Variants in UTRN observed in about 807,000 individuals in gnomAD.
The protein encoded by UTRN is utrophin.
Under a neutral mutation model 463.9 loss-of-function variants are expected in UTRN, and 283 were observed. That is an observed-to-expected ratio of 0.61 (90% CI 0.55 to 0.67). The LOEUF (loss-of-function observed/expected upper bound fraction) is 0.67, where lower values mean the gene tolerates loss of function less well. Among genes scored for constraint, UTRN ranks in the 30% least tolerant of loss-of-function variants. The probability of loss-of-function intolerance (pLI) is 0.00; values close to 1 mark genes in which losing one functional copy is unlikely to be tolerated. For missense variants in UTRN, 3,922 were observed against 4,084.3 expected (o/e 0.96, Z 1.08); for synonymous variants, 1,442 against 1,431.5 (o/e 1.01, Z -0.17).
Position 144,448,624 on chromosome 6 carries a change from G to C in UTRN, c.1927G>C (p.Gly643Arg). Residue 643 changes from glycine (G) to arginine (R), a missense_variant, in exon 17 of 75, where the codon GGG becomes CGG. Physicochemically the swap from Gly to Arg is moderately radical, Grantham distance 125. Transcript: ENST00000367545. ...GGTGACTCAGGCTGTAGCAAAGCTG[G>C]GGATGTCTCAGATTCCTCAGAAGGA... ...NQVTQAVAKL[G>R]MSQIPQKDLL... 1 of 1,613,830 alleles carries C rather than the reference G, an allele frequency of 6.2e-7. No homozygotes were observed. Among genetic ancestry groups the C allele is most frequent in the Non-Finnish European group, 8.5e-7 (1 of 1,179,844 alleles).
chr6:144,431,499 T>C (rs955192507), intron 9 of UTRN, among the ~76,000 whole-genome samples: 3 of 152,268 alleles, frequency 2.0e-5, no homozygotes, highest in Non-Finnish European at 2.9e-5. Flanking sequence ...GTCAGACTTC[T>C]TCTGCCCTGT....
At chr6:144,674,783 T>C (rs1781426656) in intron 51 of UTRN, among the ~76,000 whole-genome samples, 1 of 152,184 alleles carries the variant, frequency 6.6e-6, no homozygotes, top group Non-Finnish European at 1.5e-5. Flanking sequence ...GGTCTCAAAC[T>C]CCTGAGTTCA....
At chr6:144,585,065 G>A (rs1166662683) in intron 51 of UTRN, among the ~76,000 whole-genome samples, 1 of 151,958 alleles carries the variant, frequency 6.6e-6, no homozygotes, top group Non-Finnish European at 1.5e-5. Context: ...TTTTTCTAAA[G>A]TCGAAGGTAT....
At chr6:144,508,879 A>G (rs1441338352) in intron 34 of UTRN, among the ~76,000 whole-genome samples, 1 of 152,154 alleles carries the variant, frequency 6.6e-6, no homozygotes, top group Non-Finnish European at 1.5e-5. Context: ...AAGTTCATAT[A>G]TTCTTATTTT....
At chr6:144,539,182 A>C (rs1797791454) in intron 44 of UTRN, 112 bp from the exon 45 acceptor site, 1 of 1,230,478 alleles carries the variant, frequency 8.1e-7, no homozygotes, top group South Asian at 1.7e-5. Context: ...TTTTTCACTT[A>C]ACAAATTAGA....
intron 67 of UTRN, 93 bp from the exon 68 acceptor site, chr6:144,827,518 G>A: frequency 6.3e-7 from 1 of 1,592,364 alleles, no homozygotes; most frequent in Non-Finnish European, 8.6e-7. Flanking sequence ...TGTTTGCATG[G>A]CAGATTCATT....
chr6:144,525,002 T>A (rs1275643739), intron 41 of UTRN, among the ~76,000 whole-genome samples: 1 of 152,306 alleles, frequency 6.6e-6, no homozygotes, highest in Middle Eastern at 3.4e-3. Flanking sequence ...ATTTATTGAC[T>A]TGTGTATGTT....
At chr6:144,631,235 GAGGTGTGT>G (rs1190849842) in intron 51 of UTRN, among the ~76,000 whole-genome samples, 1 of 108,624 alleles carries the variant, frequency 9.2e-6, no homozygotes, top group East Asian at 3.9e-4. Context: ...GTGAGAGAGA[GAGGTGTGT>G]GTGTGTGTGT....
chr6:144,812,845 TTAG>T (rs1185650464), intron 65 of UTRN, among the ~76,000 whole-genome samples: 2 of 151,768 alleles, frequency 1.3e-5, no homozygotes, highest in African/African-American at 4.9e-5. Flanking sequence ...TTCATTTATA[TTAG>T]TTGGTGGGGA....
rs900383454 is a variant in UTRN at position 144,456,685 on chromosome 6, A to G, written c.2285-2085A>G. 8.8e-5 allele frequency among the ~76,000 whole-genome samples: 13 copies of G among 148,404 alleles called. No individual in the cohort carries two copies. In the South Asian group the frequency reaches 2.5e-3, roughly 29 times the overall value. On this transcript the variant is annotated intron_variant, in intron 19 of 74. Coordinates refer to ENST00000367545, the MANE Select transcript of UTRN (RefSeq NM_007124.3). Reference sequence around the variant, plus strand: ...AATAATAATAATAATAATAATAATAATAATAATAATAAATAAAATAGTGTG... The same window carrying G: ...AATAATAATAATAATAATAATAATAGTAATAATAATAAATAAAATAGTGTG...
intron 47 of UTRN, among the ~76,000 whole-genome samples, chr6:144,549,530 A>G (rs368525473): frequency 2.0e-5 from 3 of 152,348 alleles, no homozygotes; most frequent in South Asian, 4.1e-4. Context: ...TCCCCACATT[A>G]CAAATAAGTC....
At chr6:144,533,718 G>A (rs188331654) in intron 43 of UTRN, among the ~76,000 whole-genome samples, 319 of 148,632 alleles carry the variant, frequency 2.1e-3, no homozygotes, top group African/African-American at 7.6e-3. Flanking sequence ...CTTCATCTAT[G>A]TAATATAATA....
chr6:144,852,778 A>G lies in UTRN; in HGVS notation c.*1781A>G, dbSNP rs1444723548. ...TGGTGTCTTCCTTGTTCTTACTTTA[A>G]AAAGTCATGTGTTAATTTTTTTTCT... On this transcript the variant is annotated 3_prime_UTR_variant, in exon 75 of 75. Coordinates refer to ENST00000367545, the MANE Select transcript of UTRN (RefSeq NM_007124.3). The G allele has an allele frequency of 6.6e-6, 1 of 152,600 alleles. No individual in the cohort carries two copies. The highest frequency in any genetic ancestry group is 2.4e-5 in the African/African-American group (1 of 41,454). The allele number at this position is 152,600 out of a possible 1,614,324, so 9.5% of individuals were successfully genotyped here.
intron 27 of UTRN, among the ~76,000 whole-genome samples, chr6:144,484,109 T>C (rs1792172956): frequency 6.6e-6 from 1 of 152,164 alleles, no homozygotes; most frequent in African/African-American, 2.4e-5. Flanking sequence ...GTTCCTCTTA[T>C]AATAAGGGAT....
At chr6:144,602,278 C>T (rs1419674382) in intron 51 of UTRN, among the ~76,000 whole-genome samples, 2 of 151,800 alleles carry the variant, frequency 1.3e-5, no homozygotes, top group Non-Finnish European at 2.9e-5. Context: ...ACTTCAGGCA[C>T]GCACCACCAG....
intron 2 of UTRN, among the ~76,000 whole-genome samples, chr6:144,394,034 G>A (rs1465688026): frequency 6.6e-6 from 1 of 152,130 alleles, no homozygotes; most frequent in African/African-American, 2.4e-5. Context: ...ATCTCAAGGT[G>A]TTGTATGGGC....
rs182361521 is a variant in UTRN at position 144,404,498 on chromosome 6, T to C, written c.141+1314T>C. ...GATATGAGGTGTTTTATTCCAGTGG[T>C]CTTATGATTGCTCATAAAAGTAAGA... On this transcript the variant is annotated intron_variant, in intron 3 of 74. Coordinates refer to ENST00000367545, the MANE Select transcript of UTRN (RefSeq NM_007124.3). Among the ~76,000 whole-genome samples the C allele has an allele frequency of 3.3e-5, 5 of 152,332 alleles. No individual in the cohort carries two copies. The East Asian group carries it at 9.6e-4, about 29-fold the overall frequency.
chr6:144,559,106 C>A (rs12200771), intron 50 of UTRN, among the ~76,000 whole-genome samples: 10,357 of 146,286 alleles, frequency 0.071, 894 homozygotes, highest in African/African-American at 0.2. Context: ...AATTCTTCTT[C>A]TTATTTTTTT....
Position 144,437,713 on chromosome 6 carries a change from C to G in UTRN, c.1208C>G (p.Ala403Gly), listed in dbSNP as rs777267068. The G allele has an allele frequency of 6.2e-7, 1 of 1,613,880 alleles. No individual in the cohort carries two copies. The highest frequency in any genetic ancestry group is 8.5e-7 in the Non-Finnish European group (1 of 1,179,926). ...QMTLLNARWE[A>G]LRVESMDRQS... ...ACCCTGCTGAATGCTAGATGGGAGG[C>G]TCTTAGGGTGGAGAGTATGGACAGA... Residue 403 changes from alanine (A) to glycine (G), a missense_variant, in exon 11 of 75, where the codon GCT becomes GGT. Transcript: ENST00000367545.
Sources: allele counts gnomAD v4.1 joint callset (sites outside exome capture counted in the v4.1 genomes callset), GRCh38; gene constraint gnomAD v4.1.1; transcripts MANE v1.5; gene names NCBI Gene and HGNC (gene_info 2026-07-23, HGNC 2026-07-21).